DNAJC1: variants seen among roughly 807,000 people sequenced by gnomAD.
DNAJC1 encodes the protein dnaJ homolog subfamily C member 1.
Under a neutral mutation model 76.6 loss-of-function variants are expected in DNAJC1, and 58 were observed. The observed-to-expected ratio is 0.76, with a 90% CI of 0.61 to 0.94. DNAJC1 has a LOEUF of 0.94. Among genes scored for constraint, DNAJC1 ranks in the 40% least tolerant of loss-of-function variants. DNAJC1 has a pLI of 0.00. For missense variants in DNAJC1, 689 were observed against 677.3 expected (o/e 1.02, Z -0.19); for synonymous variants, 258 against 267.9 (o/e 0.96, Z 0.36).
chr10:21,817,357 T>C (rs1282044275), intron 8 of DNAJC1, among the ~76,000 whole-genome samples: 1 of 152,118 alleles, frequency 6.6e-6, no homozygotes, highest in Non-Finnish European at 1.5e-5. Flanking sequence ...TAAATCTTTG[T>C]CCTTAAATAT....
intron 1 of DNAJC1, among the ~76,000 whole-genome samples, chr10:21,970,733 A>T (rs1837963693): frequency 6.6e-6 from 1 of 151,950 alleles, no homozygotes; most frequent in Admixed American, 6.6e-5. Context: ...AATATTCCTG[A>T]AATTATTTTC....
At chr10:21,943,035 T>A (rs1007293819) in intron 1 of DNAJC1, among the ~76,000 whole-genome samples, 14 of 151,336 alleles carry the variant, frequency 9.3e-5, no homozygotes, top group South Asian at 4.2e-4. Flanking sequence ...GTTAAAAAAA[T>A]TTTTTTTTCA....
At chr10:21,882,154 A>T in intron 8 of DNAJC1, 128 bp downstream of exon 8, 1 of 922,972 alleles carries the variant, frequency 1.1e-6, no homozygotes, top group Non-Finnish European at 1.5e-6. Context: ...ACTCTGTCTC[A>T]AACAAAACAA....
chr10:21,813,636 C>A (rs1056021584), intron 8 of DNAJC1, among the ~76,000 whole-genome samples: 1 of 152,116 alleles, frequency 6.6e-6, no homozygotes, highest in Admixed American at 6.5e-5. Flanking sequence ...TGACCACCTG[C>A]CTTGGCCTCC....
intron 1 of DNAJC1, among the ~76,000 whole-genome samples, chr10:21,985,097 C>T (rs1480409637): frequency 1.3e-5 from 2 of 152,046 alleles, no homozygotes; most frequent in Non-Finnish European, 2.9e-5. Context: ...ACATAAAATC[C>T]ACCCATTATA....
At chr10:21,839,257 G>A (rs963272195) in intron 8 of DNAJC1, among the ~76,000 whole-genome samples, 3 of 152,190 alleles carry the variant, frequency 2.0e-5, no homozygotes, top group Non-Finnish European at 4.4e-5. Context: ...GATCAGAGCA[G>A]AACTGAAGGA....
chr10:21,875,342 G>T (rs1247310787), intron 8 of DNAJC1, among the ~76,000 whole-genome samples: 4 of 152,144 alleles, frequency 2.6e-5, no homozygotes, highest in Non-Finnish European at 5.9e-5. Context: ...TTTTTGTAGA[G>T]ATGCAGTCTT....
chr10:21,957,347 T>C (rs1219908297), intron 1 of DNAJC1, among the ~76,000 whole-genome samples: 1 of 152,226 alleles, frequency 6.6e-6, no homozygotes. Context: ...TTCATTGTCA[T>C]CTTAATTCTT....
At chr10:21,858,252 TA>T (rs369614180) in intron 8 of DNAJC1, among the ~76,000 whole-genome samples, 1 of 152,128 alleles carries the variant, frequency 6.6e-6, no homozygotes, top group Non-Finnish European at 1.5e-5. Flanking sequence ...ATGAATAAAA[TA>T]AAAAGTCTCT....
chr10:21,858,316 T>G (rs1055725300), intron 8 of DNAJC1, among the ~76,000 whole-genome samples: 1 of 152,216 alleles, frequency 6.6e-6, no homozygotes, highest in African/African-American at 2.4e-5. Flanking sequence ...GATACTGCCT[T>G]CTCAAGAATA....
At chr10:21,894,534 G>C (rs571095752) in intron 7 of DNAJC1, among the ~76,000 whole-genome samples, 1 of 151,166 alleles carries the variant, frequency 6.6e-6, no homozygotes, top group Admixed American at 6.6e-5. Context: ...TTGCACGATT[G>C]CACTCCAGCC....
intron 6 of DNAJC1, 72 bp from the exon 7 acceptor site, chr10:21,904,684 A>G (rs1836714625): frequency 1.1e-6 from 1 of 933,554 alleles, no homozygotes; most frequent in African/African-American, 1.7e-5. Flanking sequence ...CATGTAACTT[A>G]ACTTTAAAGC....
At chr10:21,768,928 G>A (rs1298772019) in intron 9 of DNAJC1, among the ~76,000 whole-genome samples, 3 of 152,104 alleles carry the variant, frequency 2.0e-5, no homozygotes. Context: ...TCCATGAGAT[G>A]CATCCCATAA....
chr10:21,763,069 C>T (rs1834259529), intron 10 of DNAJC1, among the ~76,000 whole-genome samples: 1 of 152,040 alleles, frequency 6.6e-6, no homozygotes. Context: ...TAGCTGAGAC[C>T]ACAGGCATGG....
chr10:21,980,108 A>G (rs373240315), intron 1 of DNAJC1, among the ~76,000 whole-genome samples: 1 of 152,068 alleles, frequency 6.6e-6, no homozygotes, highest in Admixed American at 6.6e-5. Context: ...ATTAGCTACA[A>G]ATATCTACTG....
At chr10:21,874,277 G>C (rs907333977) in intron 8 of DNAJC1, among the ~76,000 whole-genome samples, 5 of 152,120 alleles carry the variant, frequency 3.3e-5, no homozygotes, top group African/African-American at 1.2e-4. Flanking sequence ...AGCCAAGCTT[G>C]GTGGCACACG....
At chr10:21,895,062 T>C (rs190103114) in intron 7 of DNAJC1, among the ~76,000 whole-genome samples, 36 of 152,258 alleles carry the variant, frequency 2.4e-4, no homozygotes, top group Admixed American at 2.1e-3. Context: ...TAAACTAAAA[T>C]AGAAAGTAGT....
intron 8 of DNAJC1, among the ~76,000 whole-genome samples, chr10:21,832,312 T>G (rs546705426): frequency 1.3e-5 from 2 of 152,226 alleles, no homozygotes; most frequent in Non-Finnish European, 2.9e-5. Context: ...GTTTTTCTTC[T>G]ATGTGCTTCC....
At chr10:21,879,356 G>A (rs958023549) in intron 8 of DNAJC1, among the ~76,000 whole-genome samples, 3 of 152,128 alleles carry the variant, frequency 2.0e-5, no homozygotes, top group African/African-American at 7.2e-5. Context: ...AGGCGCGTTA[G>A]CTCACACCTA....
Sources: gnomAD v4.1 joint callset for allele counts (sites outside exome capture counted in the v4.1 genomes callset) on GRCh38, gnomAD v4.1.1 for gene constraint, MANE v1.5 for transcripts, NCBI Gene and HGNC (gene_info 2026-07-23, HGNC 2026-07-21) for gene names.